The following ZNF655 variants were observed in gnomAD, a reference collection of about 807,000 sequenced individuals.
ZNF655 encodes zinc finger protein 655.
ZNF655 carries 3 observed loss-of-function variants against 6.6 expected under a neutral mutation model. The observed-to-expected ratio is 0.46, with a 90% CI of 0.21 to 1.18. ZNF655 has a LOEUF of 1.18. Ranked by LOEUF, ZNF655 falls within the 50% of genes most tolerant of loss-of-function variation. The probability of loss-of-function intolerance (pLI) is 0.24; values close to 1 mark genes in which losing one functional copy is unlikely to be tolerated. For synonymous variants in ZNF655, 178 were observed against 195.0 expected (o/e 0.91, Z 0.73); for missense variants, 526 against 572.3 (o/e 0.92, Z 0.83).
chr7:99,573,041 C>T lies in ZNF655; in HGVS notation c.933C>T (p.Val311=). The T allele has an allele frequency of 6.2e-7, 1 of 1,614,138 alleles. No homozygotes were observed. Among genetic ancestry groups the T allele is most frequent in the Non-Finnish European group, 8.5e-7 (1 of 1,180,006 alleles). Residue 311 remains valine (V), a synonymous_variant, in exon 3 of 3, where the codon GTC becomes GTT. Coordinates refer to ENST00000252713, the MANE Select transcript of ZNF655 (RefSeq NM_138494.3). ...KSYKCSSCER[V]FSRSVHLTQH... ...ACAAATGTAGCAGTTGTGAAAGAGT[C>T]TTCAGTCGTAGTGTCCACCTTACTC...
In ZNF655 at chr7:99,572,974, G is replaced by C. The variant is rs371698156; in HGVS notation, c.866G>C (p.Gly289Ala). Residue 289 changes from glycine (G) to alanine (A), a missense_variant, in exon 3 of 3, where the codon GGC becomes GCC. Physicochemically the swap from Gly to Ala is moderately conservative, Grantham distance 60. Transcript: ENST00000252713. ...ASDKSCSPSS[G>A]IIQHKKIHTR... ...GATAAATCCTGTAGTCCAAGCTCAG[G>C]CATAATTCAGCATAAGAAAATTCAC... The C allele has an allele frequency of 6.2e-7, 1 of 1,613,996 alleles. No homozygotes were observed. Among genetic ancestry groups the C allele is most frequent in the African/African-American group, 1.3e-5 (1 of 74,924 alleles).
intron 2 of ZNF655, among the ~76,000 whole-genome samples, chr7:99,568,045 C>T (rs565814493): frequency 2.2e-5 from 3 of 137,860 alleles, no homozygotes; most frequent in South Asian, 4.6e-4. Flanking sequence ...GGCGACAGAG[C>T]GAGACTCCAT....
At chr7:99,558,989 A>T (rs1802839739) in intron 1 of ZNF655, 1 of 152,314 alleles carries the variant, frequency 6.6e-6, no homozygotes, top group Non-Finnish European at 1.5e-5. Flanking sequence ...CGCCGTCAGG[A>T]GCCGGCGACC....
chr7:99,572,933 A>G lies in ZNF655; in HGVS notation c.825A>G (p.Lys275=), dbSNP rs1365052670. ...EKPYKCEASD[K]SCEASDKSCS... is the part of the protein sequence containing the mutation. ...CTTACAAATGTGAAGCATCTGATAA[A>G]TCCTGTGAAGCGTCTGATAAATCCT... The change falls in exon 3 of 3, where the codon AAA becomes AAG. Residue 275 remains lysine (K), a synonymous_variant. Coordinates refer to ENST00000252713, the MANE Select transcript of ZNF655 (RefSeq NM_138494.3). 1.2e-6 allele frequency: 2 copies of G among 1,614,038 alleles called. No homozygotes were observed. The highest frequency in any genetic ancestry group is 1.7e-6 in the Non-Finnish European group (2 of 1,180,010).
chr7:99,569,772 A>G (rs1803894548), intron 2 of ZNF655, among the ~76,000 whole-genome samples: 2 of 152,152 alleles, frequency 1.3e-5, no homozygotes, highest in Admixed American at 6.5e-5. Flanking sequence ...GTGATATTGT[A>G]TCTTTACCTG....
At chr7:99,565,717 C>T (rs988881140) in intron 2 of ZNF655, among the ~76,000 whole-genome samples, 30 of 152,032 alleles carry the variant, frequency 2.0e-4, no homozygotes, top group African/African-American at 6.5e-4. Flanking sequence ...TAAAGGGGAC[C>T]GAGTTGCTTT....
rs1804248217 is a variant in ZNF655 at position 99,573,719 on chromosome 7, G to C, written c.*135G>C. ...ATAGCTCAGCCATTGCTCAGCATCA[G>C]ATAATTCACACCAGAGAGAAACCCT... On this transcript the variant is annotated 3_prime_UTR_variant, in exon 3 of 3. Transcript: ENST00000252713. 9.8e-7 allele frequency: 1 copy of C among 1,024,536 alleles called. No homozygotes were observed. The highest frequency in any genetic ancestry group is 1.4e-6 in the Non-Finnish European group (1 of 709,562). 63.5% of individuals were successfully genotyped at this position (1,024,536 alleles called of 1,614,324 possible).
intron 2 of ZNF655, chr7:99,571,108 C>CT (rs1451138039): frequency 1.5e-6 from 1 of 658,404 alleles, no homozygotes; most frequent in East Asian, 7.6e-5. Flanking sequence ...AGAGGAGGCA[C>CT]TTCATAAATG....
At chr7:99,561,020 C>A in intron 2 of ZNF655, 1 of 186,130 alleles carries the variant, frequency 5.4e-6, no homozygotes, top group Non-Finnish European at 1.1e-5. Flanking sequence ...TCTCACAGTC[C>A]TTTCCTGGCT....
At chr7:99,570,088 C>T (rs1366753507) in intron 2 of ZNF655, 1 of 152,174 alleles carries the variant, frequency 6.6e-6, no homozygotes, top group Non-Finnish European at 1.5e-5. Context: ...AATCAAACCC[C>T]TCATCCCACA....
chr7:99,559,156 G>C (rs1198966192), intron 1 of ZNF655: 8 of 152,352 alleles, frequency 5.3e-5, no homozygotes, highest in African/African-American at 1.9e-4. Context: ...GGTGGGAGGG[G>C]GACGGCACCC....
chr7:99,560,452 A>G (rs1803039921), intron 1 of ZNF655, 81 bp from the exon 2 acceptor site: 1 of 1,375,020 alleles, frequency 7.3e-7, no homozygotes, highest in Admixed American at 2.3e-5. Context: ...AGTGTGTAAG[A>G]TCCTTTGCAA....
chr7:99,564,541 C>G (rs1803476448), intron 2 of ZNF655: 22 of 985,688 alleles, frequency 2.2e-5, no homozygotes, highest in Non-Finnish European at 2.7e-5. Context: ...GTGTTCCTTA[C>G]TCTGTCCTTG....
intron 2 of ZNF655, among the ~76,000 whole-genome samples, chr7:99,566,758 A>G (rs1444215453): frequency 1.3e-5 from 2 of 152,022 alleles, no homozygotes; most frequent in African/African-American, 2.4e-5. Context: ...GTGTTTCGCT[A>G]TGTTACCCAG....
Position 99,573,575 on chromosome 7 carries a change from G to A in ZNF655, c.1467G>A (p.Glu489=), listed in dbSNP as rs760131646. Residue 489 remains glutamate (E), a synonymous_variant, in exon 3 of 3, where the codon GAG becomes GAA. Coordinates refer to ENST00000252713, the MANE Select transcript of ZNF655 (RefSeq NM_138494.3). ...LVQHQSIHTK[E]NS is the part of the protein sequence containing the mutation. ...AACATCAGAGCATTCATACCAAAGA[G>A]AACTCATGAATGTAATGAAGATGGG... 5 of 1,599,392 alleles carry A rather than the reference G, an allele frequency of 3.1e-6. No homozygotes were observed. The Admixed American group carries it at 8.4e-5, about 27-fold the overall frequency.
rs759202583 is a variant in ZNF655 at position 99,572,914 on chromosome 7, A to G, written c.806A>G (p.Lys269Arg). ...ATACACACTAGAGAAAAACCTTACA[A>G]ATGTGAAGCATCTGATAAATCCTGT... ...KRIHTREKPY[K>R]CEASDKSCEA... The change falls in exon 3 of 3, where the codon AAA becomes AGA. Residue 269 changes from lysine to arginine, a missense_variant. Lys to Arg is a conservative substitution (Grantham distance 26). Coordinates refer to ENST00000252713, the MANE Select transcript of ZNF655 (RefSeq NM_138494.3). 4 of 1,614,160 alleles carry G rather than the reference A, an allele frequency of 2.5e-6. No individual in the cohort carries two copies. Among genetic ancestry groups the G allele is most frequent in the African/African-American group, 1.3e-5 (1 of 75,062 alleles).
chr7:99,565,983 C>T (rs1803592063), intron 2 of ZNF655, among the ~76,000 whole-genome samples: 1 of 151,460 alleles, frequency 6.6e-6, no homozygotes, highest in Non-Finnish European at 1.5e-5. Flanking sequence ...CACACACACA[C>T]ATATGTATAT....
At chr7:99,568,061 C>A (rs1227677320) in intron 2 of ZNF655, among the ~76,000 whole-genome samples, 1 of 147,440 alleles carries the variant, frequency 6.8e-6, no homozygotes, top group Non-Finnish European at 1.5e-5. Flanking sequence ...TCCATACCCC[C>A]CGGCCAAAAA....
rs1804333430 is a variant in ZNF655 at position 99,575,312 on chromosome 7, A to T, written c.*1728A>T. 1 of 152,308 alleles carries T rather than the reference A, an allele frequency of 6.6e-6. No homozygotes were observed. Among genetic ancestry groups the T allele is most frequent in the Admixed American group, 6.6e-5 (1 of 15,262 alleles). The allele number at this position is 152,308 out of a possible 1,614,324, so 9.4% of individuals were successfully genotyped here. On this transcript the variant is annotated 3_prime_UTR_variant, in exon 3 of 3. Transcript: ENST00000252713. The stretch of plus-strand genomic sequence containing the variant: ...CCAGCACTTTGGGAGGCTGAGGCGG[A>T]TGGATCACGAGGTCAGGCAGTCGAG...
Sources: allele counts gnomAD v4.1 joint callset (sites outside exome capture counted in the v4.1 genomes callset), GRCh38; gene constraint gnomAD v4.1.1; transcripts MANE v1.5; gene names NCBI Gene and HGNC (gene_info 2026-07-23, HGNC 2026-07-21).